Variants in CHCHD3 observed in about 807,000 individuals in gnomAD.
CHCHD3 encodes MICOS complex subunit MIC19.
In CHCHD3, 20 loss-of-function variants were observed where a neutral mutation model predicts 38.2. The ratio of observed to expected loss-of-function variants is 0.52; its 90% CI spans 0.37 to 0.76. The LOEUF (loss-of-function observed/expected upper bound fraction) is 0.76. Among genes scored for constraint, CHCHD3 ranks in the 30% least tolerant of loss-of-function variants. CHCHD3 has a pLI of 0.00. For missense variants in CHCHD3, 245 were observed against 279.2 expected (o/e 0.88, Z 0.87); for synonymous variants, 82 against 100.0 (o/e 0.82, Z 1.07).
At chr7:132,885,058 C>A (rs1440788689) in intron 5 of CHCHD3, among the ~76,000 whole-genome samples, 1 of 152,110 alleles carries the variant, frequency 6.6e-6, no homozygotes, top group African/African-American at 2.4e-5. Flanking sequence ...TCAAGACCAG[C>A]ATGGCCAACA....
intron 2 of CHCHD3, among the ~76,000 whole-genome samples, chr7:133,027,819 C>T (rs1288117029): frequency 6.6e-6 from 1 of 152,054 alleles, no homozygotes; most frequent in Non-Finnish European, 1.5e-5. Context: ...GATTTTTAAA[C>T]GATCCAAATA....
chr7:132,787,708 T>C (rs1585513310), intron 7 of CHCHD3, among the ~76,000 whole-genome samples: 1 of 152,218 alleles, frequency 6.6e-6, no homozygotes, highest in Non-Finnish European at 1.5e-5. Context: ...CAAGATGGTG[T>C]ATTGGGTCAT....
chr7:133,079,138 T>A (rs1815095744), intron 1 of CHCHD3, among the ~76,000 whole-genome samples: 1 of 152,250 alleles, frequency 6.6e-6, no homozygotes, highest in Non-Finnish European at 1.5e-5. Flanking sequence ...CATACCCTTT[T>A]AGGTACACCT....
intron 1 of CHCHD3, among the ~76,000 whole-genome samples, chr7:133,074,289 G>A (rs375875296): frequency 6.6e-6 from 1 of 152,132 alleles, no homozygotes; most frequent in African/African-American, 2.4e-5. Context: ...GCCCAAACCA[G>A]AATGGAAATA....
chr7:133,017,999 C>T (rs1813075527), intron 3 of CHCHD3, among the ~76,000 whole-genome samples: 1 of 152,074 alleles, frequency 6.6e-6, no homozygotes, highest in African/African-American at 2.4e-5. Flanking sequence ...GGACGTGTTC[C>T]TACTACATTC....
intron 5 of CHCHD3, among the ~76,000 whole-genome samples, chr7:132,842,850 G>A (rs535955816): frequency 3.3e-5 from 5 of 152,006 alleles, no homozygotes; most frequent in Admixed American, 6.6e-5. Context: ...TGGTGTCTGC[G>A]GGGATTCTCC....
chr7:132,785,696 G>A (rs376069989), intron 7 of CHCHD3, 36 bp from the exon 8 acceptor site: 99 of 1,608,004 alleles, frequency 6.2e-5, no homozygotes, highest in Non-Finnish European at 6.0e-5. Flanking sequence ...TTTTACCACC[G>A]GGAGAGGACA....
chr7:132,808,784 T>C (rs1361631160), intron 6 of CHCHD3, among the ~76,000 whole-genome samples: 5 of 151,864 alleles, frequency 3.3e-5, no homozygotes, highest in African/African-American at 7.3e-5. Context: ...GTGCACATTG[T>C]GCAGGTTAGT....
intron 2 of CHCHD3, among the ~76,000 whole-genome samples, chr7:133,048,074 G>A (rs537137792): frequency 2.4e-4 from 37 of 151,794 alleles, no homozygotes; most frequent in Non-Finnish European, 5.0e-4. Flanking sequence ...GGCAACAAGA[G>A]CGAAACTCTG....
At chr7:133,010,936 A>G (rs1417116269) in intron 3 of CHCHD3, among the ~76,000 whole-genome samples, 1 of 152,226 alleles carries the variant, frequency 6.6e-6, no homozygotes, top group African/African-American at 2.4e-5. Flanking sequence ...ATAAAGAAAC[A>G]TAAAGCAGGA....
intron 5 of CHCHD3, among the ~76,000 whole-genome samples, chr7:132,873,756 T>TATC (rs10615808): frequency 1.8e-4 from 27 of 151,790 alleles, no homozygotes; most frequent in South Asian, 1.0e-3. Flanking sequence ...ATAAAATTGA[T>TATC]ATCATCATCA....
At chr7:132,910,557 T>C (rs1468561934) in intron 4 of CHCHD3, among the ~76,000 whole-genome samples, 1 of 152,222 alleles carries the variant, frequency 6.6e-6, no homozygotes, top group African/African-American at 2.4e-5. Context: ...CTCAGTTTAA[T>C]ATTGAACACT....
intron 4 of CHCHD3, among the ~76,000 whole-genome samples, chr7:132,900,243 T>C (rs1054815015): frequency 1.3e-5 from 2 of 152,264 alleles, no homozygotes; most frequent in African/African-American, 2.4e-5. Flanking sequence ...TAATCAGGCA[T>C]GTTCATCCTG....
At position 133,080,042 on chromosome 7, in the gene CHCHD3, G is replaced by A. The variant is rs79735315; in HGVS notation, c.81+1815C>T. 1.9e-4 allele frequency among the ~76,000 whole-genome samples: 29 copies of A among 152,310 alleles called. 1 individual carries two copies. In the East Asian group the frequency reaches 5.6e-3, roughly 29 times the overall value. On this transcript the variant is annotated intron_variant, in intron 1 of 7. Coordinates refer to ENST00000262570, the MANE Select transcript of CHCHD3 (RefSeq NM_017812.4). ...GCATTATTTTGCAGATGGGAAAACT[G>A]AAGCTCAGAGAGATTGCAAAACATT...
intron 4 of CHCHD3, among the ~76,000 whole-genome samples, chr7:132,913,618 C>T (rs1562905913): frequency 6.6e-6 from 1 of 152,210 alleles, no homozygotes; most frequent in Non-Finnish European, 1.5e-5. Flanking sequence ...CATCCTGCAA[C>T]AGGGAGGTCT....
intron 6 of CHCHD3, among the ~76,000 whole-genome samples, chr7:132,834,469 C>T (rs148147484): frequency 1.7e-3 from 264 of 152,230 alleles, no homozygotes; most frequent in Middle Eastern, 0.01. Flanking sequence ...TTAGTCAAAA[C>T]GCAAAAATCC....
intron 6 of CHCHD3, among the ~76,000 whole-genome samples, chr7:132,833,173 A>T (rs1480217490): frequency 6.6e-6 from 1 of 152,228 alleles, no homozygotes; most frequent in Non-Finnish European, 1.5e-5. Flanking sequence ...CATTAGGATG[A>T]GCTGTAACAT....
At chr7:132,792,084 C>T (rs978178636) in intron 7 of CHCHD3, among the ~76,000 whole-genome samples, 1 of 152,192 alleles carries the variant, frequency 6.6e-6, no homozygotes, top group African/African-American at 2.4e-5. Flanking sequence ...CTGCAGGTCC[C>T]ACACTGACCT....
At chr7:133,037,355 G>A (rs1723483201) in intron 2 of CHCHD3, among the ~76,000 whole-genome samples, 1 of 152,092 alleles carries the variant, frequency 6.6e-6, no homozygotes, top group Admixed American at 6.6e-5. Context: ...CAAAAACAGT[G>A]AAATGGTCAA....
Sources: allele counts gnomAD v4.1 joint callset (sites outside exome capture counted in the v4.1 genomes callset), GRCh38; gene constraint gnomAD v4.1.1; transcripts MANE v1.5; gene names NCBI Gene and HGNC (gene_info 2026-07-23, HGNC 2026-07-21).